Variants in PDE10A observed in about 807,000 individuals in gnomAD.
PDE10A encodes the protein cAMP and cAMP-inhibited cGMP 3',5'-cyclic phosphodiesterase 10A.
Under a neutral mutation model 97.7 loss-of-function variants are expected in PDE10A, and 39 were observed. That is an observed-to-expected ratio of 0.40 (90% confidence interval 0.31 to 0.52). The LOEUF (loss-of-function observed/expected upper bound fraction) is 0.52. PDE10A is among the 20% of genes least tolerant of loss of function. PDE10A has a pLI of 0.56. For missense variants in PDE10A, 731 were observed against 1,047.8 expected (o/e 0.70, Z 4.17); for synonymous variants, 371 against 376.8 (o/e 0.98, Z 0.18).
intron 3 of PDE10A, among the ~76,000 whole-genome samples, chr6:165,463,168 T>C (rs1026178151): frequency 2.6e-5 from 4 of 152,066 alleles, no homozygotes; most frequent in East Asian, 3.9e-4. Flanking sequence ...AACAAAACAG[T>C]CAGACGGTAG....
chr6:165,795,555 G>A (rs960003745), intron 1 of PDE10A, among the ~76,000 whole-genome samples: 6 of 151,790 alleles, frequency 4.0e-5, no homozygotes, highest in African/African-American at 1.5e-4. Flanking sequence ...GTGAAACCCC[G>A]TCTCTACTAA....
intron 2 of PDE10A, 89 bp from the exon 3 acceptor site, chr6:165,482,432 T>TG (rs1779659532): frequency 9.8e-7 from 1 of 1,017,668 alleles, no homozygotes; most frequent in African/African-American, 1.6e-5. Context: ...TCAATAAACT[T>TG]GAAGGGTTTT....
At chr6:165,843,532 A>G (rs2128473588) in intron 1 of PDE10A, among the ~76,000 whole-genome samples, 1 of 152,336 alleles carries the variant, frequency 6.6e-6, no homozygotes, top group East Asian at 1.9e-4. Context: ...TGTTCCTCAT[A>G]AATGAGGCCT....
Position 165,680,695 on chromosome 6 carries a change from A to G in PDE10A, c.-614-137127T>C, listed in dbSNP as rs1156596841. On this transcript the variant is annotated intron_variant, in intron 1 of 19. Coordinates refer to the PDE10A transcript ENST00000366882. Reference sequence around the variant, plus strand: ...GAGGCGGGCAGATCACTTGAGGTCAAGCGTTCGAGACCAGCCTGGCCAACA... The same window carrying G: ...GAGGCGGGCAGATCACTTGAGGTCAGGCGTTCGAGACCAGCCTGGCCAACA... Among the ~76,000 whole-genome samples the G allele has an allele frequency of 3.9e-5, 6 of 152,230 alleles. No homozygotes were observed. In the East Asian group the frequency reaches 1.2e-3, roughly 29 times the overall value.
intron 2 of PDE10A, among the ~76,000 whole-genome samples, chr6:165,518,515 C>T (rs894432503): frequency 6.6e-6 from 1 of 152,246 alleles, no homozygotes; most frequent in Admixed American, 6.5e-5. Context: ...GTCTGGCTTA[C>T]GGGATCAACC....
chr6:165,501,822 GCAAATGACC>G (rs1780908945), intron 2 of PDE10A, among the ~76,000 whole-genome samples: 1 of 152,258 alleles, frequency 6.6e-6, no homozygotes, highest in South Asian at 2.1e-4. Flanking sequence ...ATATGGTAAT[GCAAATGACC>G]CAGATGAGCA....
At chr6:165,938,052 C>G (rs1224714677) in intron 1 of PDE10A, among the ~76,000 whole-genome samples, 1 of 152,224 alleles carries the variant, frequency 6.6e-6, no homozygotes, top group Non-Finnish European at 1.5e-5. Context: ...ACTTCAGAAG[C>G]CAAAGCTGGA....
chr6:165,619,082 G>T (rs1316261631), intron 1 of PDE10A, among the ~76,000 whole-genome samples: 2 of 119,526 alleles, frequency 1.7e-5, no homozygotes, highest in African/African-American at 7.1e-5. Flanking sequence ...GTGTAGTCTA[G>T]TGTAGTCTAG....
chr6:165,891,794 C>T (rs1011624864), intron 1 of PDE10A, among the ~76,000 whole-genome samples: 1 of 152,134 alleles, frequency 6.6e-6, no homozygotes, highest in African/African-American at 2.4e-5. Flanking sequence ...TAAGAGGTCA[C>T]ATAGCTGAAA....
intron 1 of PDE10A, among the ~76,000 whole-genome samples, chr6:165,850,324 GA>G: frequency 6.6e-6 from 1 of 152,314 alleles, no homozygotes; most frequent in African/African-American, 2.4e-5. Flanking sequence ...TTTATGCAAA[GA>G]TTTTTGACCT....
At chr6:165,750,420 G>C (rs1292437204) in intron 1 of PDE10A, among the ~76,000 whole-genome samples, 3 of 152,144 alleles carry the variant, frequency 2.0e-5, no homozygotes, top group African/African-American at 7.2e-5. Context: ...TGGGTACCTG[G>C]CCCCCTGGCT....
intron 2 of PDE10A, among the ~76,000 whole-genome samples, chr6:165,496,161 T>G (rs890910462): frequency 6.6e-6 from 1 of 152,010 alleles, no homozygotes; most frequent in African/African-American, 2.4e-5. Context: ...ATAAAGACGT[T>G]GAGACGCAAG....
intron 1 of PDE10A, among the ~76,000 whole-genome samples, chr6:165,821,388 TCA>T (rs1779565211): frequency 6.6e-6 from 1 of 152,178 alleles, no homozygotes; most frequent in Admixed American, 6.5e-5. Context: ...TGAAATCACC[TCA>T]GTGATGAAGC....
chr6:165,776,013 C>T (rs1033108476), intron 1 of PDE10A, among the ~76,000 whole-genome samples: 5 of 151,974 alleles, frequency 3.3e-5, no homozygotes, highest in African/African-American at 7.3e-5. Flanking sequence ...TGATTTTATT[C>T]GATTGGTATG....
intron 1 of PDE10A, chr6:165,894,700 A>C (rs550076090): frequency 2.9e-6 from 1 of 345,976 alleles, no homozygotes; most frequent in Admixed American, 3.8e-5. Flanking sequence ...TCAGAGGGTC[A>C]CCTTTTAGGA....
intron 18 of PDE10A, among the ~76,000 whole-genome samples, chr6:165,365,577 T>C (rs920251683): frequency 6.6e-6 from 1 of 152,114 alleles, no homozygotes; most frequent in Non-Finnish European, 1.5e-5. Context: ...CCAGGCATGA[T>C]GGTGTTTGCC....
chr6:165,503,965 A>C (rs983529670), intron 2 of PDE10A, among the ~76,000 whole-genome samples: 1 of 152,254 alleles, frequency 6.6e-6, no homozygotes, highest in Admixed American at 6.5e-5. Context: ...TTCCACAAAG[A>C]AAGCCAAAAT....
At chr6:165,430,995 G>C (rs1189268432) in intron 8 of PDE10A, among the ~76,000 whole-genome samples, 1 of 152,074 alleles carries the variant, frequency 6.6e-6, no homozygotes, top group Non-Finnish European at 1.5e-5. Context: ...TTTTAAATTA[G>C]ATATCTTCAA....
At chr6:165,773,745 C>T (rs1562729513) in intron 1 of PDE10A, among the ~76,000 whole-genome samples, 1 of 152,048 alleles carries the variant, frequency 6.6e-6, no homozygotes, top group Non-Finnish European at 1.5e-5. Context: ...GAGTCTCTAC[C>T]ACTGATGAAA....
Sources: allele counts gnomAD v4.1 joint callset (sites outside exome capture counted in the v4.1 genomes callset), GRCh38; gene constraint gnomAD v4.1.1; transcripts MANE v1.5; gene names NCBI Gene and HGNC (gene_info 2026-07-23, HGNC 2026-07-21).